The following PCDHA2 variants were observed in gnomAD, a reference collection of about 807,000 sequenced individuals.
PCDHA2 encodes the protein protocadherin alpha 2.
In PCDHA2, 58 loss-of-function variants were observed where a neutral mutation model predicts 66.0. The ratio of observed to expected loss-of-function variants is 0.88; its 90% CI spans 0.71 to 1.09. PCDHA2 has a LOEUF of 1.09. PCDHA2 is among the 50% of genes least tolerant of loss of function. The pLI is 0.00. For synonymous variants in PCDHA2, 634 were observed against 554.0 expected, an observed-to-expected ratio of 1.14 and a Z score of -2.03; for missense variants, 1,267 against 1,242.3, an observed-to-expected ratio of 1.02 and a Z score of -0.30.
At chr5:140,971,958 C>CT (rs1176007834) in intron 1 of PCDHA2, among the ~76,000 whole-genome samples, 3 of 152,054 alleles carry the variant, frequency 2.0e-5, no homozygotes, top group African/African-American at 4.8e-5. Context: ...ACTCCAAAAA[C>CT]TTTTTTTCAA....
At chr5:140,843,714 A>G (rs2150365461) in intron 1 of PCDHA2, 11 of 1,569,726 alleles carry the variant, frequency 7.0e-6, no homozygotes, top group Admixed American at 6.9e-5. Flanking sequence ...CATGGCCTCA[A>G]AGTAAGTCCA....
At chr5:140,892,624 A>C (rs1041078923) in intron 1 of PCDHA2, among the ~76,000 whole-genome samples, 28 of 152,166 alleles carry the variant, frequency 1.8e-4, no homozygotes, top group Non-Finnish European at 3.2e-4. Flanking sequence ...CAGTTGGTAC[A>C]TAATAATTGT....
rs782637404 is a variant in PCDHA2 at position 140,795,106 on chromosome 5, A to T, written c.142A>T (p.Ile48Phe). 3 of 1,613,936 alleles carry T rather than the reference A, an allele frequency of 1.9e-6. No individual in the cohort carries two copies. In the Admixed American group the frequency reaches 5.0e-5, roughly 27 times the overall value. The change falls in exon 1 of 4, where the codon ATC becomes TTC. Residue 48 changes from isoleucine to phenylalanine, a missense_variant. Ile to Phe is a conservative substitution (Grantham distance 21). Transcript: ENST00000526136. The part of the protein sequence containing the change: ...EAKHGTFVGR[I>F]AQDLGLELEE... The stretch of plus-strand genomic sequence containing the variant: ...CAAACACGGCACCTTCGTGGGCCGC[A>T]TCGCGCAGGACCTGGGGCTGGAGCT...
At chr5:140,953,959 C>T (rs2094958753) in intron 1 of PCDHA2, among the ~76,000 whole-genome samples, 1 of 152,044 alleles carries the variant, frequency 6.6e-6, no homozygotes, top group South Asian at 2.1e-4. Flanking sequence ...CAACAGGCCC[C>T]AGTGTGTGTT....
intron 1 of PCDHA2, chr5:140,813,671 C>T (rs1480249597): frequency 1.3e-5 from 2 of 152,120 alleles, no homozygotes; most frequent in East Asian, 1.9e-4. Context: ...AAGCACTATA[C>T]ATTTAGGCTA....
At chr5:140,801,536 G>A (rs1048650512) in intron 1 of PCDHA2, 4 of 1,614,262 alleles carry the variant, frequency 2.5e-6, no homozygotes, top group Admixed American at 3.3e-5. Context: ...TGGACAGGCC[G>A]CTGCAGGTTT....
intron 3 of PCDHA2, among the ~76,000 whole-genome samples, chr5:140,996,644 A>G (rs2097736322): frequency 6.6e-6 from 1 of 152,144 alleles, no homozygotes; most frequent in Non-Finnish European, 1.5e-5. Flanking sequence ...TATGTAGTTA[A>G]TCCTGGGTGC....
chr5:140,976,494 G>A (rs1247242198), intron 1 of PCDHA2, among the ~76,000 whole-genome samples: 1 of 151,942 alleles, frequency 6.6e-6, no homozygotes, highest in Non-Finnish European at 1.5e-5. Context: ...GAGGTTGCAG[G>A]GAGCCAAGAT....
intron 1 of PCDHA2, among the ~76,000 whole-genome samples, chr5:140,886,071 A>G (rs985861864): frequency 3.9e-5 from 6 of 152,338 alleles, no homozygotes; most frequent in South Asian, 2.1e-4. Context: ...GCGTAGGGCC[A>G]TACCACAACC....
intron 1 of PCDHA2, among the ~76,000 whole-genome samples, chr5:140,903,825 C>A (rs1367828043): frequency 2.0e-5 from 3 of 152,092 alleles, no homozygotes; most frequent in Admixed American, 2.0e-4. Flanking sequence ...ACATGAATGT[C>A]TGTTGGTATT....
rs560485194 is a variant in PCDHA2 at position 140,872,763 on chromosome 5, G to A, written c.2388+75411G>A. ...AACTTGCTAAAGACATGCATATAGG[G>A]CTATATTATCTATAATATATGCTAG... On this transcript the variant is annotated intron_variant, in intron 1 of 3. Coordinates refer to ENST00000526136, the MANE Select transcript of PCDHA2 (RefSeq NM_018905.3). 2.0e-5 allele frequency among the ~76,000 whole-genome samples: 3 copies of A among 152,126 alleles called. No homozygotes were observed. The South Asian group carries it at 6.2e-4, about 32-fold the overall frequency.
rs1554120157 is a variant in PCDHA2, at chr5:140,796,854, G to A, written c.1890G>A (p.Glu630=). Residue 630 remains glutamate (E), a synonymous_variant, in exon 1 of 4, where the codon GAG becomes GAA. Coordinates refer to ENST00000526136, the MANE Select transcript of PCDHA2 (RefSeq NM_018905.3). ...TCCGCGTGGGGCTATACACGGGTGA[G>A]ATCAGCACGACACGTGCCCTAGACG... is the stretch of plus-strand genomic sequence containing the variant. ...IPFRVGLYTG[E]ISTTRALDEA... 9 of 1,613,988 alleles carry A rather than the reference G, an allele frequency of 5.6e-6. No individual in the cohort carries two copies.
chr5:140,904,707 C>T (rs561558058), intron 1 of PCDHA2, among the ~76,000 whole-genome samples: 1 of 152,244 alleles, frequency 6.6e-6, no homozygotes, highest in African/African-American at 2.4e-5. Context: ...TCCCTTTTCA[C>T]CACATTCTGG....
intron 1 of PCDHA2, among the ~76,000 whole-genome samples, chr5:140,939,071 G>C (rs1376380334): frequency 2.0e-5 from 3 of 152,140 alleles, no homozygotes; most frequent in African/African-American, 7.2e-5. Context: ...TATCAAAATA[G>C]CATAAACTGG....
At chr5:140,822,091 G>T in intron 1 of PCDHA2, 1 of 1,614,242 alleles carries the variant, frequency 6.2e-7, no homozygotes, top group Non-Finnish European at 8.5e-7. Context: ...CATCCACCTG[G>T]AGGTGATCGT....
At chr5:140,996,929 C>T (rs1437008519) in intron 3 of PCDHA2, among the ~76,000 whole-genome samples, 2 of 152,070 alleles carry the variant, frequency 1.3e-5, no homozygotes, top group African/African-American at 2.4e-5. Flanking sequence ...AAAAATATAG[C>T]ATTTTTGCAT....
At position 140,882,980 on chromosome 5, in the gene PCDHA2, A is replaced by T. The variant is rs782593392; in HGVS notation, c.2388+85628A>T. On this transcript the variant is annotated intron_variant, in intron 1 of 3. Coordinates refer to ENST00000526136, the MANE Select transcript of PCDHA2 (RefSeq NM_018905.3). ...CATCACGATTCTGGACGTGAATGAC[A>T]ACGCCCCGGAATTTTACCAATCCGT... 34 of 1,614,072 alleles carry T rather than the reference A, an allele frequency of 2.1e-5. No homozygotes were observed. Among genetic ancestry groups the T allele is most frequent in the African/African-American group, 2.7e-5 (2 of 74,926 alleles).
At chr5:140,856,118 G>T in intron 1 of PCDHA2, 2 of 1,598,234 alleles carry the variant, frequency 1.3e-6, no homozygotes, top group Non-Finnish European at 1.7e-6. Flanking sequence ...CGCAGCCTGG[G>T]AGGTGGGGAG....
chr5:140,810,442 A>T (rs372953420), intron 1 of PCDHA2: 3 of 152,218 alleles, frequency 2.0e-5, no homozygotes, highest in Non-Finnish European at 4.4e-5. Context: ...ACCTGTTTAC[A>T]TTCCTAGTAG....
Sources: allele counts gnomAD v4.1 joint callset (sites outside exome capture counted in the v4.1 genomes callset), GRCh38; gene constraint gnomAD v4.1.1; transcripts MANE v1.5; gene names NCBI Gene and HGNC (gene_info 2026-07-23, HGNC 2026-07-21).